The following NRP1 variants were observed in gnomAD, a reference collection of about 807,000 sequenced individuals.
NRP1 encodes neuropilin-1.
NRP1 carries 35 observed loss-of-function variants against 106.7 expected under a neutral mutation model. That is an observed-to-expected ratio of 0.33 (90% CI 0.25 to 0.43). The LOEUF is 0.43. Ranked by LOEUF, NRP1 falls within the 20% of genes least tolerant of loss-of-function variation. The probability of loss-of-function intolerance (pLI) is 1.00; values close to 1 mark genes in which losing one functional copy is unlikely to be tolerated. For synonymous variants in NRP1, 437 were observed against 417.9 expected (o/e 1.05, Z -0.56); for missense variants, 1,024 against 1,170.4 (o/e 0.87, Z 1.83).
At position 33,198,227 on chromosome 10, in the gene NRP1, C is replaced by T. The variant is rs1382375563; in HGVS notation, c.1865-518G>A. On this transcript the variant is annotated intron_variant, in intron 11 of 16. Transcript: ENST00000374867. ...CACAATCTCGGCTCACTACAACCTC[C>T]GCCTCCCAGGTTCAAGCGATTCTCC... Among the ~76,000 whole-genome samples, 7 of 151,428 alleles carry T rather than the reference C, an allele frequency of 4.6e-5. No homozygotes were observed. The East Asian group carries it at 1.2e-3, about 25-fold the overall frequency.
chr10:33,258,175 A>G (rs1234989063), intron 4 of NRP1, among the ~76,000 whole-genome samples: 6 of 152,188 alleles, frequency 3.9e-5, no homozygotes, highest in African/African-American at 9.7e-5. Context: ...AGCAAATCGG[A>G]GCCACTGTTT....
intron 2 of NRP1, among the ~76,000 whole-genome samples, chr10:33,305,744 T>C (rs1397369313): frequency 3.5e-5 from 5 of 144,274 alleles, no homozygotes; most frequent in African/African-American, 1.0e-4. Flanking sequence ...GGGATCTCTT[T>C]GTAAAAAAAA....
chr10:33,189,698 T>C (rs191076974), intron 13 of NRP1, among the ~76,000 whole-genome samples: 5 of 152,340 alleles, frequency 3.3e-5, no homozygotes, highest in Non-Finnish European at 5.9e-5. Context: ...GCAAATGGGA[T>C]GCCTTTCGAT....
Position 33,186,377 on chromosome 10 carries a change from C to G in NRP1, c.2174G>C (p.Trp725Ser). The part of the protein sequence containing the change: ...SQNSAHCMTF[W>S]YHMSGSHVGT... The stretch of plus-strand genomic sequence containing the variant: ...GACGTGGGACCCAGACATGTGATAC[C>G]AGAAGGTCATGCAGTGGGCAGAGTT... The change falls in exon 14 of 17, where the codon TGG becomes TCG. Residue 725 changes from tryptophan (W) to serine (S), a missense_variant. Transcript: ENST00000374867. 2 of 1,614,082 alleles carry G rather than the reference C, an allele frequency of 1.2e-6. No homozygotes were observed. Among genetic ancestry groups the G allele is most frequent in the Non-Finnish European group, 1.7e-6 (2 of 1,180,024 alleles).
intron 8 of NRP1, among the ~76,000 whole-genome samples, chr10:33,219,522 T>C (rs1320764514): frequency 6.6e-6 from 1 of 152,230 alleles, no homozygotes; most frequent in Non-Finnish European, 1.5e-5. Context: ...AAGCACCTTA[T>C]TTGAAAAATA....
intron 6 of NRP1, among the ~76,000 whole-genome samples, chr10:33,252,690 TG>T (rs1841951103): frequency 6.6e-6 from 1 of 152,056 alleles, no homozygotes; most frequent in Non-Finnish European, 1.5e-5. Flanking sequence ...AACTGCCTGT[TG>T]GTTTGGGGAT....
intron 8 of NRP1, among the ~76,000 whole-genome samples, chr10:33,219,122 G>C (rs1839020502): frequency 6.6e-6 from 1 of 152,192 alleles, no homozygotes; most frequent in South Asian, 2.1e-4. Flanking sequence ...GCATATGCTA[G>C]GTTCAATATA....
chr10:33,294,798 C>T (rs952710317), intron 2 of NRP1, among the ~76,000 whole-genome samples: 1 of 152,072 alleles, frequency 6.6e-6, no homozygotes. Flanking sequence ...TCTGGGCCTT[C>T]GTTTCCTCAT....
chr10:33,268,118 GA>G (rs1564439861), intron 3 of NRP1, among the ~76,000 whole-genome samples: 1 of 151,966 alleles, frequency 6.6e-6, no homozygotes, highest in Non-Finnish European at 1.5e-5. Flanking sequence ...GCTTTTGAGG[GA>G]AAAACATTCA....
intron 7 of NRP1, among the ~76,000 whole-genome samples, chr10:33,224,219 T>G (rs1839478371): frequency 6.6e-6 from 1 of 152,170 alleles, no homozygotes. Flanking sequence ...CCTTCCTTAT[T>G]CCTTCTGCCT....
At chr10:33,210,454 A>G (rs1264852974) in intron 9 of NRP1, among the ~76,000 whole-genome samples, 1 of 152,252 alleles carries the variant, frequency 6.6e-6, no homozygotes, top group Non-Finnish European at 1.5e-5. Flanking sequence ...ACTTGAGCAA[A>G]GAATTAACAC....
chr10:33,273,634 G>A (rs1843471206), intron 2 of NRP1, among the ~76,000 whole-genome samples: 1 of 152,220 alleles, frequency 6.6e-6, no homozygotes, highest in Non-Finnish European at 1.5e-5. Flanking sequence ...AGTCACGACA[G>A]CACAGCAGCC....
At chr10:33,318,673 CCTCA>C (rs753084423) in intron 2 of NRP1, among the ~76,000 whole-genome samples, 1 of 151,624 alleles carries the variant, frequency 6.6e-6, no homozygotes, top group Non-Finnish European at 1.5e-5. Context: ...AAACAAAATC[CCTCA>C]CTGTTTCCTT....
chr10:33,211,054 A>G (rs958153273), intron 9 of NRP1, among the ~76,000 whole-genome samples: 2 of 152,224 alleles, frequency 1.3e-5, no homozygotes, highest in Non-Finnish European at 2.9e-5. Flanking sequence ...CATATTTTAG[A>G]AATAAACCCT....
At chr10:33,302,216 A>G (rs937261679) in intron 2 of NRP1, among the ~76,000 whole-genome samples, 1 of 152,242 alleles carries the variant, frequency 6.6e-6, no homozygotes, top group Non-Finnish European at 1.5e-5. Flanking sequence ...TAATGTCATT[A>G]TCCCCTACCC....
intron 2 of NRP1, among the ~76,000 whole-genome samples, chr10:33,298,842 G>A (rs895093859): frequency 6.6e-6 from 1 of 152,110 alleles, no homozygotes; most frequent in African/African-American, 2.4e-5. Flanking sequence ...AATTCTAGCT[G>A]TCATATTCCA....
chr10:33,315,262 G>T (rs79206496), intron 2 of NRP1, among the ~76,000 whole-genome samples: 1 of 152,144 alleles, frequency 6.6e-6, no homozygotes. Flanking sequence ...TAAAAATAGA[G>T]GTTTTTAGGG....
At chr10:33,291,251 C>A (rs1452468913) in intron 2 of NRP1, among the ~76,000 whole-genome samples, 4 of 152,146 alleles carry the variant, frequency 2.6e-5, no homozygotes, top group African/African-American at 9.7e-5. Context: ...TGGTTTTTGT[C>A]AGCGCAAATT....
At chr10:33,329,649 A>C (rs751848999) in intron 2 of NRP1, among the ~76,000 whole-genome samples, 12 of 152,248 alleles carry the variant, frequency 7.9e-5, no homozygotes, top group Non-Finnish European at 1.8e-4. Context: ...GTCCCTGAGA[A>C]ACACTTTAGA....
Sources: gnomAD v4.1 joint callset for allele counts (sites outside exome capture counted in the v4.1 genomes callset) on GRCh38, gnomAD v4.1.1 for gene constraint, MANE v1.5 for transcripts, NCBI Gene and HGNC (gene_info 2026-07-23, HGNC 2026-07-21) for gene names.